Variants in OSBPL8 observed in about 807,000 individuals in gnomAD.
OSBPL8 encodes the protein oxysterol-binding protein-related protein 8.
In OSBPL8, 59 loss-of-function variants were observed where a neutral mutation model predicts 125.5. The observed-to-expected ratio is 0.47, with a 90% CI of 0.38 to 0.58. The LOEUF (loss-of-function observed/expected upper bound fraction) is 0.58, where lower values mean the gene tolerates loss of function less well. Ranked by LOEUF, OSBPL8 falls within the 20% of genes least tolerant of loss-of-function variation. The pLI is 0.00. For synonymous variants in OSBPL8, 330 were observed against 338.9 expected, an observed-to-expected ratio of 0.97 and a Z score of 0.29; for missense variants, 758 against 1,047.8, an observed-to-expected ratio of 0.72 and a Z score of 3.82.
At chr12:76,402,518 A>G (rs1954092361) in intron 6 of OSBPL8, among the ~76,000 whole-genome samples, 171 bp downstream of exon 6, 1 of 152,074 alleles carries the variant, frequency 6.6e-6, no homozygotes, top group Non-Finnish European at 1.5e-5. Context: ...TCAGTTGACC[A>G]CAGTGTACCA....
chr12:76,535,921 T>C (rs1950482167), intron 1 of OSBPL8, among the ~76,000 whole-genome samples: 1 of 152,168 alleles, frequency 6.6e-6, no homozygotes. Context: ...TTTTGGGGAC[T>C]GATGGAAAGT....
At chr12:76,362,200 A>T (rs888037666) in intron 21 of OSBPL8, among the ~76,000 whole-genome samples, 2 of 152,150 alleles carry the variant, frequency 1.3e-5, no homozygotes, top group Admixed American at 6.6e-5. Context: ...CACTAGTGAG[A>T]AGCTTATTTA....
At chr12:76,363,678 G>C (rs886454912) in intron 21 of OSBPL8, among the ~76,000 whole-genome samples, 5 of 152,134 alleles carry the variant, frequency 3.3e-5, no homozygotes, top group African/African-American at 1.2e-4. Flanking sequence ...TTAAACTAAA[G>C]AGCTTCTGCA....
At chr12:76,386,509 T>C (rs1953319565) in intron 13 of OSBPL8, 70 bp downstream of exon 13, 1 of 1,426,920 alleles carries the variant, frequency 7.0e-7, no homozygotes, top group Non-Finnish European at 9.5e-7. Flanking sequence ...ACACACAATC[T>C]ACAGATTACA....
intron 4 of OSBPL8, among the ~76,000 whole-genome samples, chr12:76,413,232 T>C (rs1351804573): frequency 6.6e-6 from 1 of 152,158 alleles, no homozygotes; most frequent in Non-Finnish European, 1.5e-5. Context: ...ATTGCTAACA[T>C]TTCATAAGAT....
At position 76,369,233 on chromosome 12, in the gene OSBPL8, A is replaced by C. The variant is rs1952527559; in HGVS notation, c.2309T>G (p.Val770Gly). The change falls in exon 21 of 24, where the codon GTG becomes GGG. Residue 770 changes from valine (V) to glycine (G), a missense_variant. This residue lies in a region of OSBPL8 where 572 missense variants were observed against 762.0 expected (regional missense o/e 0.75). Coordinates refer to ENST00000261183, the MANE Select transcript of OSBPL8 (RefSeq NM_020841.5). ...ACATACCATTGGAGTACGATGTTTC[A>C]CTTTGGTCTGAATAACACCATCTTT... ...FEKDGVIQTK[V>G]KHRTPMVSVP... 6.2e-7 allele frequency: 1 copy of C among 1,612,110 alleles called. No individual in the cohort carries two copies. The highest frequency in any genetic ancestry group is 8.5e-7 in the Non-Finnish European group (1 of 1,179,306).
chr12:76,451,574 C>T (rs1193982678), intron 3 of OSBPL8, among the ~76,000 whole-genome samples: 1 of 152,192 alleles, frequency 6.6e-6, no homozygotes, highest in African/African-American at 2.4e-5. Flanking sequence ...AAGATTCTAA[C>T]TCAGAACCAT....
chr12:76,387,518 CTTT>C lies in OSBPL8; in HGVS notation c.1353-861_1353-859del, dbSNP rs1363808826. 3.9e-5 allele frequency among the ~76,000 whole-genome samples: 6 copies of C among 152,264 alleles called. No homozygotes were observed. In the East Asian group the frequency reaches 1.2e-3, roughly 29 times the overall value. Reference sequence around the variant, plus strand: ...CTCAGCTGCCCTCCATACAATTCTGCTTTTGTTGCAATCGTTGCAAAAACCTGA... The same window carrying C: ...CTCAGCTGCCCTCCATACAATTCTGCTGTTGCAATCGTTGCAAAAACCTGA... On this transcript the variant is annotated intron_variant, in intron 12 of 23. Coordinates refer to ENST00000261183, the MANE Select transcript of OSBPL8 (RefSeq NM_020841.5).
intron 1 of OSBPL8, among the ~76,000 whole-genome samples, chr12:76,499,512 A>G (rs1352853952): frequency 6.6e-6 from 1 of 152,100 alleles, no homozygotes; most frequent in African/African-American, 2.4e-5. Context: ...CTGGGATTAC[A>G]GGCATGAACC....
At chr12:76,469,578 C>T (rs1303120246) in intron 2 of OSBPL8, among the ~76,000 whole-genome samples, 1 of 152,176 alleles carries the variant, frequency 6.6e-6, no homozygotes, top group Non-Finnish European at 1.5e-5. Flanking sequence ...AAGCTTTACA[C>T]TCAGTTCTTA....
chr12:76,354,309 A>T lies in OSBPL8; in HGVS notation c.*1580T>A, dbSNP rs1951912888. ...TTATTTTGCCAAGAAAACATGGGAAATGGTTCTTCACAGAAACCTAAGGAT... is the reference window on the plus strand; with the variant it reads ...TTATTTTGCCAAGAAAACATGGGAATTGGTTCTTCACAGAAACCTAAGGAT... On this transcript the variant is annotated 3_prime_UTR_variant, in exon 24 of 24. Transcript: ENST00000261183. The T allele has an allele frequency of 6.6e-6, 1 of 151,990 alleles. No homozygotes were observed. The highest frequency in any genetic ancestry group is 2.4e-5 in the African/African-American group (1 of 41,438). The allele number at this position is 151,990 out of a possible 1,614,324, so 9.4% of individuals were successfully genotyped here. A position where few individuals can be genotyped will look rare whatever the true frequency, so the allele number is the denominator to read the frequency against.
At chr12:76,490,519 G>T (rs1878604754) in intron 1 of OSBPL8, among the ~76,000 whole-genome samples, 1 of 152,216 alleles carries the variant, frequency 6.6e-6, no homozygotes, top group Non-Finnish European at 1.5e-5. Context: ...GAAGAATCCG[G>T]TCGGAGAAGG....
intron 1 of OSBPL8, among the ~76,000 whole-genome samples, chr12:76,518,887 C>T (rs1881806233): frequency 6.6e-6 from 1 of 152,216 alleles, no homozygotes; most frequent in Admixed American, 6.5e-5. Context: ...CCCTTCCAGG[C>T]CTCTGGGCCT....
intron 21 of OSBPL8, among the ~76,000 whole-genome samples, chr12:76,360,652 T>C (rs543446333): frequency 3.9e-4 from 60 of 152,238 alleles, no homozygotes; most frequent in Non-Finnish European, 7.5e-4. Context: ...CAGCAATCTT[T>C]TTCCTGGGTA....
At chr12:76,499,501 G>T (rs1879672078) in intron 1 of OSBPL8, among the ~76,000 whole-genome samples, 1 of 152,122 alleles carries the variant, frequency 6.6e-6, no homozygotes, top group East Asian at 1.9e-4. Flanking sequence ...CTCCCAAAGA[G>T]CTGGGATTAC....
intron 1 of OSBPL8, among the ~76,000 whole-genome samples, chr12:76,520,952 G>C (rs1882012255): frequency 6.6e-6 from 1 of 152,178 alleles, no homozygotes; most frequent in African/African-American, 2.4e-5. Context: ...GAAGCAATTT[G>C]AGCAGGTAAA....
intron 1 of OSBPL8, among the ~76,000 whole-genome samples, chr12:76,552,801 C>A (rs990136511): frequency 2.0e-5 from 3 of 152,100 alleles, no homozygotes. Flanking sequence ...GGCAGTCTGG[C>A]TCCAGGGTTC....
intron 16 of OSBPL8, among the ~76,000 whole-genome samples, chr12:76,375,742 A>T (rs797002669): frequency 0.13 from 7,488 of 57,276 alleles, 660 homozygotes; most frequent in African/African-American, 0.32. Flanking sequence ...ACATTGTTTT[A>T]AAAAAAAAAA....
At chr12:76,389,892 C>A in intron 11 of OSBPL8, 63 bp from the exon 12 acceptor site, 2 of 1,285,952 alleles carry the variant, frequency 1.6e-6, no homozygotes, top group Non-Finnish European at 2.1e-6. Context: ...TGTAAACAAG[C>A]CAGCTAATGT....
Sources: gnomAD v4.1 joint callset for allele counts (sites outside exome capture counted in the v4.1 genomes callset) on GRCh38, gnomAD v4.1.1 for gene constraint, gnomAD v4.1.1 regional missense constraint, MANE v1.5 for transcripts, NCBI Gene and HGNC (gene_info 2026-07-23, HGNC 2026-07-21) for gene names.